The following EVA1C variants were observed in gnomAD, a reference collection of about 807,000 sequenced individuals.
EVA1C encodes the protein protein eva-1 homolog C.
A neutral mutation model predicts 45.4 loss-of-function variants in EVA1C; 25 were observed. The observed-to-expected ratio is 0.55, with a 90% CI of 0.40 to 0.77. The LOEUF is 0.77. EVA1C is among the 30% of genes least tolerant of loss of function. The pLI is 0.00. For synonymous variants in EVA1C, 190 were observed against 221.2 expected (o/e 0.86, Z 1.25); for missense variants, 479 against 554.8 (o/e 0.86, Z 1.37).
intron 4 of EVA1C, among the ~76,000 whole-genome samples, chr21:32,487,008 C>G (rs2036992244): frequency 6.6e-6 from 1 of 152,056 alleles, no homozygotes; most frequent in Non-Finnish European, 1.5e-5. Context: ...ATCCTAAAAC[C>G]TTTGTAATTT....
At chr21:32,468,818 C>G (rs2036274098) in intron 4 of EVA1C, among the ~76,000 whole-genome samples, 1 of 152,216 alleles carries the variant, frequency 6.6e-6, no homozygotes, top group Non-Finnish European at 1.5e-5. Context: ...TGGCAACACC[C>G]TCACAGACAC....
intron 7 of EVA1C, among the ~76,000 whole-genome samples, chr21:32,507,635 T>C (rs541042447): frequency 6.6e-6 from 1 of 152,118 alleles, no homozygotes; most frequent in South Asian, 2.1e-4. Flanking sequence ...TATCTGTGTG[T>C]GCATGGGTTT....
intron 1 of EVA1C, among the ~76,000 whole-genome samples, chr21:32,441,589 TGGTACAATG>T (rs944426470): frequency 3.8e-5 from 4 of 104,118 alleles, no homozygotes; most frequent in African/African-American, 2.1e-4. Flanking sequence ...ACCCATACAA[TGGTACAATG>T]GATTGACATG....
chr21:32,451,407 C>T (rs1304619407), intron 1 of EVA1C, among the ~76,000 whole-genome samples: 1 of 152,140 alleles, frequency 6.6e-6, no homozygotes, highest in Non-Finnish European at 1.5e-5. Flanking sequence ...ATGAACCTTC[C>T]TTCCTCCTTG....
intron 4 of EVA1C, among the ~76,000 whole-genome samples, chr21:32,468,365 CCTGT>C (rs1421786076): frequency 6.7e-6 from 1 of 149,474 alleles, no homozygotes; most frequent in Admixed American, 6.9e-5. Flanking sequence ...AGAGCAAGAC[CCTGT>C]CTCAAAAAAC....
intron 3 of EVA1C, 150 bp downstream of exon 3, chr21:32,457,870 G>T: frequency 1.2e-6 from 1 of 828,174 alleles, no homozygotes; most frequent in East Asian, 2.7e-5. Flanking sequence ...GTTTTTTAGA[G>T]ACAGAGAGAG....
At chr21:32,458,344 G>A (rs9984093) in intron 3 of EVA1C, among the ~76,000 whole-genome samples, 7,880 of 152,150 alleles carry the variant, frequency 0.052, 306 homozygotes, top group African/African-American at 0.1. Flanking sequence ...TCCATCTTCC[G>A]TGGGTGGGTC....
At chr21:32,502,958 C>G (rs1568950713) in intron 6 of EVA1C, among the ~76,000 whole-genome samples, 2 of 152,136 alleles carry the variant, frequency 1.3e-5, no homozygotes, top group Non-Finnish European at 2.9e-5. Context: ...AGGGTTCCCA[C>G]CCGATCCATA....
chr21:32,454,959 C>A (rs376689417), intron 2 of EVA1C, among the ~76,000 whole-genome samples: 125 of 152,194 alleles, frequency 8.2e-4, no homozygotes, highest in Middle Eastern at 3.4e-3. Context: ...GTTTCTATAC[C>A]TTGAGGAGAG....
chr21:32,467,971 G>A (rs2036239359), intron 4 of EVA1C, 123 bp downstream of exon 4: 4 of 571,960 alleles, frequency 7.0e-6, no homozygotes, highest in East Asian at 4.0e-5. Flanking sequence ...ACACAATCAC[G>A]ATCTTGTGAT....
intron 2 of EVA1C, among the ~76,000 whole-genome samples, chr21:32,455,052 GTACCTGAGCCTGGGTAAT>G (rs2035727341): frequency 1.3e-5 from 2 of 152,302 alleles, no homozygotes; most frequent in South Asian, 4.1e-4. Context: ...CTATAACAGT[GTACCTGAGCCTGGGTAAT>G]TCATAAGGAC....
intron 4 of EVA1C, among the ~76,000 whole-genome samples, chr21:32,490,141 T>C (rs2037107529): frequency 6.6e-6 from 1 of 151,978 alleles, no homozygotes; most frequent in African/African-American, 2.4e-5. Context: ...AGTTTGGTCG[T>C]GTTAAGTATA....
At chr21:32,497,210 A>G in intron 5 of EVA1C, 2 of 816,128 alleles carry the variant, frequency 2.5e-6, no homozygotes, top group Non-Finnish European at 4.4e-6. Context: ...GGTTAAGGGA[A>G]AAACCGTCCA....
rs757307131 is a variant in EVA1C, at chr21:32,515,103, T to C, written c.1239T>C (p.Ile413=). 20 of 1,614,028 alleles carry C rather than the reference T, an allele frequency of 1.2e-5. No homozygotes were observed. The highest frequency in any genetic ancestry group is 5.3e-5 in the African/African-American group (4 of 74,926). The change falls in exon 8 of 8, where the codon ATT becomes ATC. Residue 413 remains isoleucine, a synonymous_variant. Coordinates refer to ENST00000300255, the MANE Select transcript of EVA1C (RefSeq NM_058187.5). ...SIEAAELAER[I]ERREQIIQEI... is the part of the protein sequence containing the mutation. ...AAGCTGCAGAGCTCGCAGAAAGGAT[T>C]GAGCGCAGGGAGCAAATCATTCAGG...
At chr21:32,470,913 C>T (rs1306845551) in intron 4 of EVA1C, among the ~76,000 whole-genome samples, 4 of 152,028 alleles carry the variant, frequency 2.6e-5, no homozygotes, top group African/African-American at 9.7e-5. Flanking sequence ...CGCCCGCCAC[C>T]ATGCCTGGCT....
At chr21:32,462,987 CTG>C (rs1284438170) in intron 3 of EVA1C, among the ~76,000 whole-genome samples, 3 of 152,142 alleles carry the variant, frequency 2.0e-5, no homozygotes, top group Non-Finnish European at 2.9e-5. Flanking sequence ...CTCTATATTT[CTG>C]TGTGTGTGTC....
intron 7 of EVA1C, among the ~76,000 whole-genome samples, chr21:32,508,022 T>TGAATGCATATGTGC (rs2037829951): frequency 6.6e-6 from 1 of 152,102 alleles, no homozygotes; most frequent in African/African-American, 2.4e-5. Context: ...TGCATGTGTG[T>TGAATGCATATGTGC]GCATGCACAT....
At chr21:32,433,850 T>A (rs2034811968) in intron 1 of EVA1C, among the ~76,000 whole-genome samples, 1 of 90,794 alleles carries the variant, frequency 1.1e-5, no homozygotes, top group Non-Finnish European at 2.0e-5. Context: ...TCCAGTATAA[T>A]GGGTGTCCTT....
intron 7 of EVA1C, among the ~76,000 whole-genome samples, chr21:32,507,196 G>A (rs2037749849): frequency 6.6e-6 from 1 of 152,196 alleles, no homozygotes; most frequent in Non-Finnish European, 1.5e-5. Flanking sequence ...CTGTGAGATG[G>A]TTTCCCCAAC....
Sources: allele counts gnomAD v4.1 joint callset (sites outside exome capture counted in the v4.1 genomes callset), GRCh38; gene constraint gnomAD v4.1.1; transcripts MANE v1.5; gene names NCBI Gene and HGNC (gene_info 2026-07-23, HGNC 2026-07-21).